The following DENND5B variants were observed in gnomAD, a reference collection of about 807,000 sequenced individuals.
The protein encoded by DENND5B is DENN domain containing 5B.
Under a neutral mutation model 140.6 loss-of-function variants are expected in DENND5B, and 34 were observed. The ratio of observed to expected loss-of-function variants is 0.24; its 90% CI spans 0.18 to 0.32. DENND5B has a LOEUF of 0.32. DENND5B is among the 10% of genes least tolerant of loss of function. The probability of loss-of-function intolerance (pLI) is 1.00; values close to 1 mark genes in which losing one functional copy is unlikely to be tolerated. For synonymous variants in DENND5B, 551 were observed against 562.1 expected, an observed-to-expected ratio of 0.98 and a Z score of 0.28; for missense variants, 1,142 against 1,560.2, an observed-to-expected ratio of 0.73 and a Z score of 4.52.
chr12:31,442,831 C>T lies in DENND5B; in HGVS notation c.1956G>A (p.Gln652=), dbSNP rs747716146. 6.7e-5 allele frequency: 108 copies of T among 1,613,538 alleles called. No homozygotes were observed. The highest frequency in any genetic ancestry group is 5.9e-5 in the Non-Finnish European group (70 of 1,179,808). ...CGGACTGTAACTTTGGAAAGAACCC[C>T]TGCTCATATTTGCCTTGACCAATTT... ...DMKIGQGKYE[Q]GFFPKLQSDV... is the part of the protein sequence containing the mutation. Residue 652 remains glutamine (Q), a synonymous_variant, in exon 7 of 21, where the codon CAG becomes CAA. Transcript: ENST00000389082.
At chr12:31,481,270 C>A (rs1215332060) in intron 2 of DENND5B, among the ~76,000 whole-genome samples, 1 of 151,910 alleles carries the variant, frequency 6.6e-6, no homozygotes, top group African/African-American at 2.4e-5. Context: ...CAAGAAAATA[C>A]AATTCCTTTA....
Position 31,402,189 on chromosome 12 carries a change from A to G in DENND5B, c.2949+309T>C, listed in dbSNP as rs1941836150. Among the ~76,000 whole-genome samples the G allele has an allele frequency of 2.0e-5, 3 of 152,252 alleles. No individual in the cohort carries two copies. In the South Asian group the frequency reaches 6.2e-4, roughly 32 times the overall value. On this transcript the variant is annotated intron_variant, in intron 15 of 20. Transcript: ENST00000389082. ...GTAGGGAGGAGAACCACCGCGGGGA[A>G]AACATTTATTTGAATATTTCCTGCT...
intron 11 of DENND5B, among the ~76,000 whole-genome samples, chr12:31,422,901 A>T (rs1169802952): frequency 6.6e-6 from 1 of 151,956 alleles, no homozygotes; most frequent in Non-Finnish European, 1.5e-5. Flanking sequence ...ACATATGTAC[A>T]TATTTTCTCC....
intron 1 of DENND5B, among the ~76,000 whole-genome samples, chr12:31,583,315 A>AGC (rs1222787867): frequency 6.8e-6 from 1 of 147,756 alleles, no homozygotes; most frequent in Non-Finnish European, 1.5e-5. Context: ...AAAAAGAGAG[A>AGC]GAGAGAGAAA....
intron 1 of DENND5B, among the ~76,000 whole-genome samples, chr12:31,504,863 A>C (rs1425641352): frequency 6.6e-6 from 1 of 152,218 alleles, no homozygotes; most frequent in Non-Finnish European, 1.5e-5. Context: ...AAGGCACACA[A>C]TCTATCTTTC....
intron 1 of DENND5B, among the ~76,000 whole-genome samples, chr12:31,519,129 G>C (rs2138986523): frequency 6.6e-6 from 1 of 152,342 alleles, no homozygotes; most frequent in African/African-American, 2.4e-5. Flanking sequence ...AGGAGATACG[G>C]AAGACAAACG....
At chr12:31,441,042 A>T (rs896921211) in intron 7 of DENND5B, among the ~76,000 whole-genome samples, 16 of 150,920 alleles carry the variant, frequency 1.1e-4, no homozygotes, top group African/African-American at 2.9e-4. Flanking sequence ...GGCCTAATTT[A>T]AAAAAAAATT....
chr12:31,457,874 C>T (rs1183835339), intron 4 of DENND5B, among the ~76,000 whole-genome samples: 4 of 152,136 alleles, frequency 2.6e-5, no homozygotes, highest in East Asian at 1.9e-4. Context: ...CCACCACGCC[C>T]GGCTATTTTT....
chr12:31,582,739 T>C (rs1310047666), intron 1 of DENND5B, among the ~76,000 whole-genome samples: 4 of 152,220 alleles, frequency 2.6e-5, no homozygotes, highest in Non-Finnish European at 5.9e-5. Flanking sequence ...TCGCCTTTAA[T>C]ATCTTTCCCA....
intron 1 of DENND5B, among the ~76,000 whole-genome samples, chr12:31,577,068 TGAA>T (rs993662911): frequency 2.8e-4 from 42 of 152,296 alleles, no homozygotes; most frequent in African/African-American, 1.0e-3. Context: ...GGGTGATCTT[TGAA>T]GAAGGGATTA....
intron 4 of DENND5B, among the ~76,000 whole-genome samples, chr12:31,459,576 T>C (rs1306800510): frequency 2.0e-5 from 3 of 151,662 alleles, no homozygotes; most frequent in African/African-American, 7.3e-5. Flanking sequence ...GCGCTTGTAA[T>C]CCCACCACGC....
chr12:31,548,988 T>C (rs1948949889), intron 1 of DENND5B, among the ~76,000 whole-genome samples: 1 of 152,218 alleles, frequency 6.6e-6, no homozygotes, highest in South Asian at 2.1e-4. Context: ...CTTGAACCCC[T>C]GAGCTCAAGT....
chr12:31,473,208 G>C (rs1057243580), intron 3 of DENND5B, among the ~76,000 whole-genome samples: 3 of 152,230 alleles, frequency 2.0e-5, no homozygotes, highest in Admixed American at 6.5e-5. Flanking sequence ...AAAGTGTTGG[G>C]ATTACAGGCA....
intron 1 of DENND5B, among the ~76,000 whole-genome samples, chr12:31,531,397 G>A (rs1184939189): frequency 1.3e-5 from 2 of 152,000 alleles, no homozygotes; most frequent in African/African-American, 2.4e-5. Flanking sequence ...ACAGTGTTTC[G>A]CCATGTTGGC....
At chr12:31,498,397 G>C (rs1442311857) in intron 1 of DENND5B, among the ~76,000 whole-genome samples, 1 of 152,052 alleles carries the variant, frequency 6.6e-6, no homozygotes, top group African/African-American at 2.4e-5. Flanking sequence ...TAATTGTTCT[G>C]TTAACTAAGG....
intron 1 of DENND5B, among the ~76,000 whole-genome samples, chr12:31,539,877 G>A (rs544208969): frequency 9.9e-5 from 15 of 152,086 alleles, no homozygotes; most frequent in Admixed American, 3.3e-4. Flanking sequence ...GTCCTAGCTA[G>A]AGCAATCAGA....
At chr12:31,537,308 T>G (rs1948536190) in intron 1 of DENND5B, among the ~76,000 whole-genome samples, 1 of 151,714 alleles carries the variant, frequency 6.6e-6, no homozygotes, top group Non-Finnish European at 1.5e-5. Context: ...CAACAAAAAG[T>G]TAGAAAGCAG....
intron 1 of DENND5B, among the ~76,000 whole-genome samples, chr12:31,572,278 A>G (rs1949852950): frequency 6.6e-6 from 1 of 152,124 alleles, no homozygotes; most frequent in East Asian, 1.9e-4. Context: ...TTGTTATTTC[A>G]AAACAATCAT....
intron 3 of DENND5B, 125 bp downstream of exon 3, chr12:31,479,464 C>G: frequency 1.1e-6 from 1 of 934,138 alleles, no homozygotes; most frequent in Non-Finnish European, 1.5e-6. Context: ...CATACCTGCT[C>G]CCTTTACACA....
Sources: allele counts gnomAD v4.1 joint callset (sites outside exome capture counted in the v4.1 genomes callset), GRCh38; gene constraint gnomAD v4.1.1; transcripts MANE v1.5; gene names NCBI Gene and HGNC (gene_info 2026-07-23, HGNC 2026-07-21).